The following TRPM3 variants were observed in gnomAD, a reference collection of about 807,000 sequenced individuals.
TRPM3 encodes transient receptor potential cation channel subfamily M member 3.
TRPM3 carries 77 observed loss-of-function variants against 181.2 expected under a neutral mutation model. The ratio of observed to expected loss-of-function variants is 0.42; its 90% CI spans 0.35 to 0.51. The LOEUF is 0.51. Ranked by LOEUF, TRPM3 falls within the 20% of genes least tolerant of loss-of-function variation. The pLI is 0.01. For synonymous variants in TRPM3, 745 were observed against 796.4 expected (o/e 0.94, Z 1.09); for missense variants, 1,759 against 2,196.7 (o/e 0.80, Z 3.98).
At chr9:71,031,691 C>T (rs909516349) in intron 1 of TRPM3, among the ~76,000 whole-genome samples, 2 of 151,568 alleles carry the variant, frequency 1.3e-5, no homozygotes, top group Admixed American at 1.3e-4. Context: ...TTTATACATT[C>T]CCTTTTTATA....
At chr9:71,142,155 G>T (rs1472732) in intron 1 of TRPM3, among the ~76,000 whole-genome samples, 32,375 of 152,076 alleles carry the variant, frequency 0.21, 4,075 homozygotes, top group East Asian at 0.31. Context: ...CTCATCCCTT[G>T]TTTGTAACAC....
At chr9:71,063,399 TG>T (rs1386665308) in intron 1 of TRPM3, among the ~76,000 whole-genome samples, 1 of 152,152 alleles carries the variant, frequency 6.6e-6, no homozygotes, top group African/African-American at 2.4e-5. Flanking sequence ...ACATGGTCCT[TG>T]ATGTTTAGAA....
intron 5 of TRPM3, among the ~76,000 whole-genome samples, chr9:70,841,624 C>CTATATATATATATATATATA (rs72421594): frequency 2.7e-5 from 2 of 72,916 alleles, no homozygotes; most frequent in Non-Finnish European, 5.3e-5. Context: ...CTATATCCCA[C>CTATATATATATATATATATA]TATATATATA....
At chr9:70,783,913 T>G (rs2083018093) in intron 7 of TRPM3, 192 bp downstream of exon 7, 2 of 1,311,488 alleles carry the variant, frequency 1.5e-6, no homozygotes, top group Non-Finnish European at 1.9e-6. Context: ...AATTTCCCAC[T>G]TCACAGGACA....
intron 1 of TRPM3, among the ~76,000 whole-genome samples, chr9:71,226,946 C>T (rs1365625092): frequency 6.6e-6 from 1 of 151,784 alleles, no homozygotes; most frequent in Admixed American, 6.6e-5. Flanking sequence ...ACACATTCTT[C>T]TTCTCAGTAC....
At chr9:70,979,538 C>T (rs934591759) in intron 1 of TRPM3, among the ~76,000 whole-genome samples, 4 of 152,168 alleles carry the variant, frequency 2.6e-5, no homozygotes, top group Admixed American at 2.6e-4. Flanking sequence ...TTATTAGATA[C>T]TTGCCATACA....
intron 9 of TRPM3, among the ~76,000 whole-genome samples, chr9:70,641,990 G>GTT (rs1025229648): frequency 2.6e-5 from 4 of 152,154 alleles, no homozygotes; most frequent in African/African-American, 9.7e-5. Flanking sequence ...AGTGATTTCT[G>GTT]TTTAAACAGG....
In TRPM3 at chr9:71,220,620, C is replaced by T. The variant is rs144815621; in HGVS notation, c.183+226033G>A. On this transcript the variant is annotated intron_variant, in intron 1 of 24. Transcript: ENST00000357533. The stretch of plus-strand genomic sequence containing the variant: ...TGTAAATCTTCGTCTCAGATAGACC[C>T]CAGTTCTAATCCCAGCTCCACTCCT... 1.6e-4 allele frequency among the ~76,000 whole-genome samples: 24 copies of T among 152,134 alleles called. No homozygotes were observed. The East Asian group carries it at 4.6e-3, about 29-fold the overall frequency.
At chr9:71,140,794 T>C (rs1028416063) in intron 1 of TRPM3, among the ~76,000 whole-genome samples, 7 of 152,130 alleles carry the variant, frequency 4.6e-5, no homozygotes, top group African/African-American at 7.2e-5. Flanking sequence ...AAATACCATA[T>C]AGTAATATAC....
chr9:71,297,150 C>T (rs537493800), intron 1 of TRPM3, among the ~76,000 whole-genome samples: 10 of 152,074 alleles, frequency 6.6e-5, no homozygotes, highest in East Asian at 3.9e-4. Flanking sequence ...CACCACCACA[C>T]GCGGTTAATT....
intron 1 of TRPM3, among the ~76,000 whole-genome samples, chr9:71,385,731 G>T (rs1192970185): frequency 6.6e-6 from 1 of 151,956 alleles, no homozygotes; most frequent in Non-Finnish European, 1.5e-5. Flanking sequence ...TTGAGACAGG[G>T]TCTCACTCTG....
chr9:71,335,106 T>C (rs1014610952), intron 1 of TRPM3, among the ~76,000 whole-genome samples: 4 of 152,108 alleles, frequency 2.6e-5, no homozygotes, highest in Non-Finnish European at 4.4e-5. Context: ...CAAAAAATTA[T>C]GGATAAAAGC....
intron 1 of TRPM3, among the ~76,000 whole-genome samples, chr9:70,869,384 T>C (rs1300465635): frequency 2.5e-5 from 3 of 122,182 alleles, no homozygotes; most frequent in African/African-American, 9.3e-5. Context: ...GAGAGAAAGC[T>C]TGTGAAAGTG....
At chr9:71,298,855 A>G (rs892403746) in intron 1 of TRPM3, among the ~76,000 whole-genome samples, 1 of 152,140 alleles carries the variant, frequency 6.6e-6, no homozygotes, top group Non-Finnish European at 1.5e-5. Flanking sequence ...AAAAGACACC[A>G]AATCAAAAAC....
intron 1 of TRPM3, among the ~76,000 whole-genome samples, chr9:71,185,975 G>A (rs1007230470): frequency 6.6e-6 from 1 of 152,100 alleles, no homozygotes; most frequent in Admixed American, 6.6e-5. Flanking sequence ...AGGCCATGCT[G>A]TCAGTGAAAC....
chr9:71,229,979 T>A (rs2080942105), intron 1 of TRPM3, among the ~76,000 whole-genome samples: 1 of 152,144 alleles, frequency 6.6e-6, no homozygotes, highest in South Asian at 2.1e-4. Flanking sequence ...TGCACTCCCA[T>A]GCTTACTGTT....
Position 70,864,587 on chromosome 9 carries a change from G to T in TRPM3, c.178-76C>A, listed in dbSNP as rs2095606888. The T allele has an allele frequency of 3.7e-6, 4 of 1,077,688 alleles. No individual in the cohort carries two copies. In the South Asian group the frequency reaches 7.4e-5, roughly 20 times the overall value. 66.8% of individuals were successfully genotyped at this position (1,077,688 alleles called of 1,614,324 possible). ...ACATACCGTGAAATATTTTTAACTA[G>T]AAAGCAAAATTTCATAATCACATAA... On this transcript the variant is annotated intron_variant, in intron 1 of 25. Coordinates refer to ENST00000677713, the MANE Select transcript of TRPM3 (RefSeq NM_001366145.2).
At chr9:70,915,865 T>C (rs887315654) in intron 1 of TRPM3, among the ~76,000 whole-genome samples, 1 of 151,964 alleles carries the variant, frequency 6.6e-6, no homozygotes, top group African/African-American at 2.4e-5. Context: ...AAGAATGATA[T>C]CGGTCAATAT....
At chr9:71,006,377 T>C (rs1165162618) in intron 1 of TRPM3, among the ~76,000 whole-genome samples, 1 of 151,840 alleles carries the variant, frequency 6.6e-6, no homozygotes, top group African/African-American at 2.4e-5. Flanking sequence ...TTAAATTCTC[T>C]AATTAAAAGA....
Sources: allele counts gnomAD v4.1 joint callset (sites outside exome capture counted in the v4.1 genomes callset), GRCh38; gene constraint gnomAD v4.1.1; transcripts MANE v1.5; gene names NCBI Gene and HGNC (gene_info 2026-07-23, HGNC 2026-07-21).